The following CLDN18 variants were observed in gnomAD, a reference collection of about 807,000 sequenced individuals.
CLDN18 encodes the protein claudin-18.
A neutral mutation model predicts 25.0 loss-of-function variants in CLDN18; 20 were observed. The observed-to-expected ratio is 0.80, with a 90% confidence interval of 0.56 to 1.16. CLDN18 has a LOEUF of 1.16. CLDN18 is among the 50% of genes most tolerant of loss of function. The probability of loss-of-function intolerance (pLI) is 0.00; values close to 1 mark genes in which losing one functional copy is unlikely to be tolerated. For synonymous variants in CLDN18, 125 were observed against 135.6 expected (o/e 0.92, Z 0.54); for missense variants, 297 against 345.4 (o/e 0.86, Z 1.11).
chr3:138,031,996 A>G lies in CLDN18; in HGVS notation c.*855A>G, dbSNP rs374546679. On this transcript the variant is annotated 3_prime_UTR_variant, in exon 5 of 5. Transcript: ENST00000183605. ...GAAATGAAAAAATAATTGCTTTGAC[A>G]TTGTCTATATGGTACTTTGTAAAGT... 6.6e-6 allele frequency: 1 copy of G among 152,210 alleles called. No individual in the cohort carries two copies. The highest frequency in any genetic ancestry group is 2.1e-4 in the South Asian group (1 of 4,834). The allele number at this position is 152,210 out of a possible 1,614,324, so 9.4% of individuals were successfully genotyped here.
intron 1 of CLDN18, chr3:138,004,945 T>G (rs971578281): frequency 1.1e-4 from 16 of 152,194 alleles, no homozygotes; most frequent in African/African-American, 3.6e-4. Context: ...ATACTTTATG[T>G]ACCAGGCACC....
At chr3:138,008,211 T>C (rs1942089308), upstream of CLDN18, among the ~76,000 whole-genome samples, 1 of 107,528 alleles carries the variant, frequency 9.3e-6, no homozygotes, top group African/African-American at 3.6e-5. Context: ...GATTGGAGTA[T>C]GTATGTGGGG....
In CLDN18 at chr3:138,010,331, TACG is replaced by T. The variant is rs761088746; in HGVS notation, c.109_111del (p.Asp37del). 1 of 1,614,194 alleles carries T rather than the reference TACG, an allele frequency of 6.2e-7. No individual in the cohort carries two copies. The highest frequency in any genetic ancestry group is 8.5e-7 in the Non-Finnish European group (1 of 1,180,032). On this transcript the variant is annotated inframe_deletion, in exon 1 of 5. Coordinates refer to ENST00000183605, the MANE Select transcript of CLDN18 (RefSeq NM_016369.4). ...GGACATGTGGAGCACCCAGGACCTG[TACG>T]ACAACCCCGTCACCTCCGTGTTCCA...
Position 138,031,083 on chromosome 3 carries a change from G to C in CLDN18, c.728G>C (p.Gly243Ala). The change falls in exon 5 of 5, where the codon GGA becomes GCA. Residue 243 changes from glycine to alanine, a missense_variant. By Grantham distance (60) the Gly-to-Ala change is moderately conservative. Coordinates refer to ENST00000183605, the MANE Select transcript of CLDN18 (RefSeq NM_016369.4). ...ACCAAAAACAAGAAGATATACGATG[G>C]AGGTGCCCGCACAGAGGACGAGGTA... is the stretch of plus-strand genomic sequence containing the variant. ...SNTKNKKIYD[G>A]GARTEDEVQS... 1.2e-6 allele frequency: 2 copies of C among 1,614,116 alleles called. No homozygotes were observed. Among genetic ancestry groups the C allele is most frequent in the African/African-American group, 1.3e-5 (1 of 75,060 alleles).
chr3:138,023,821 A>G lies in CLDN18; in HGVS notation c.384A>G (p.Ser128=), dbSNP rs753733515. 1 of 1,607,248 alleles carries G rather than the reference A, an allele frequency of 6.2e-7. No homozygotes were observed. Among genetic ancestry groups the G allele is most frequent in the East Asian group, 2.2e-5 (1 of 44,684 alleles). The change falls in exon 2 of 5, where the codon TCA becomes TCG. Residue 128 remains serine, a splice_region_variant and synonymous_variant. Transcript: ENST00000183605. ...TLTSGIMFIV[S]GLCAIAGVSV... is the part of the protein sequence containing the mutation. ...CCTCCGGGATCATGTTCATTGTCTC[A>G]GGTAAACACAGAGCCTGGAGTTCCC...
intron 1 of CLDN18, among the ~76,000 whole-genome samples, chr3:138,019,674 C>A (rs561960613): frequency 5.3e-5 from 8 of 152,308 alleles, no homozygotes; most frequent in African/African-American, 1.9e-4. Context: ...AAATGAAAAT[C>A]TCTGGGGATG....
At chr3:138,013,259 CAG>C (rs1195403181) in intron 1 of CLDN18, among the ~76,000 whole-genome samples, 1 of 152,194 alleles carries the variant, frequency 6.6e-6, no homozygotes, top group African/African-American at 2.4e-5. Flanking sequence ...CTGCCTGGAA[CAG>C]ATTCATTTGT....
In CLDN18 at chr3:138,033,038, G is replaced by C. The variant is rs1407543629; in HGVS notation, c.*1897G>C. On this transcript the variant is annotated 3_prime_UTR_variant, in exon 5 of 5. Transcript: ENST00000183605. ...TGGCCATTAGGTTATTATTTGAGAG[G>C]AAAGTCCTCACATCAATAGTACATA... The C allele has an allele frequency of 2.0e-5, 3 of 152,172 alleles. No homozygotes were observed. Among genetic ancestry groups the C allele is most frequent in the Non-Finnish European group, 4.4e-5 (3 of 68,036 alleles). 9.4% of individuals were successfully genotyped at this position (152,172 alleles called of 1,614,324 possible).
At chr3:138,009,075 C>G (rs1942100064), upstream of CLDN18, among the ~76,000 whole-genome samples, 1 of 152,194 alleles carries the variant, frequency 6.6e-6, no homozygotes, top group African/African-American at 2.4e-5. Context: ...TATACAATTC[C>G]TAATATTTTG....
chr3:138,002,889 C>T (rs1942033202), intron 1 of CLDN18, among the ~76,000 whole-genome samples: 1 of 152,180 alleles, frequency 6.6e-6, no homozygotes, highest in African/African-American at 2.4e-5. Context: ...TCCTTTCACA[C>T]ACATGGAAAT....
In CLDN18 at chr3:138,031,392, T is replaced by A; in HGVS notation, c.*251T>A. On this transcript the variant is annotated 3_prime_UTR_variant, in exon 5 of 5. Coordinates refer to ENST00000183605, the MANE Select transcript of CLDN18 (RefSeq NM_016369.4). ...ATTTTCAATCCTCTATTTCTTTTTT[T>A]AAATATAACTTTCTACTCTGATGAG... 3.1e-6 allele frequency: 1 copy of A among 322,552 alleles called. No homozygotes were observed. The highest frequency in any genetic ancestry group is 5.6e-6 in the Non-Finnish European group (1 of 179,116). The allele number at this position is 322,552 out of a possible 1,614,324, so 20.0% of individuals were successfully genotyped here.
chr3:138,009,250 AG>A (rs936961791), upstream of CLDN18, among the ~76,000 whole-genome samples: 4 of 152,190 alleles, frequency 2.6e-5, no homozygotes, highest in African/African-American at 9.7e-5. Flanking sequence ...ACGACAAGTT[AG>A]GGGCAGCATC....
At chr3:138,013,261 G>T (rs149563469) in intron 1 of CLDN18, among the ~76,000 whole-genome samples, 11 of 152,320 alleles carry the variant, frequency 7.2e-5, no homozygotes, top group African/African-American at 2.4e-4. Flanking sequence ...GCCTGGAACA[G>T]ATTCATTTGT....
intron 3 of CLDN18, 150 bp downstream of exon 3, chr3:138,024,874 T>C (rs1942307177): frequency 3.5e-6 from 2 of 576,168 alleles, no homozygotes; most frequent in African/African-American, 1.9e-5. Context: ...AACAATCACC[T>C]GTAAATTCAT....
intron 2 of CLDN18, among the ~76,000 whole-genome samples, chr3:138,024,388 T>G (rs990239242): frequency 6.6e-6 from 1 of 152,146 alleles, no homozygotes; most frequent in Non-Finnish European, 1.5e-5. Context: ...AAAATTTCTT[T>G]CTGTACACAC....
At chr3:138,011,425 T>C (rs939135476) in intron 1 of CLDN18, among the ~76,000 whole-genome samples, 2 of 152,170 alleles carry the variant, frequency 1.3e-5, no homozygotes, top group Non-Finnish European at 2.9e-5. Context: ...CAGAAAGAAA[T>C]AGAAGATGGG....
chr3:138,023,600 A>G (rs1351840779), intron 1 of CLDN18, 58 bp from the exon 2 acceptor site: 3 of 1,559,304 alleles, frequency 1.9e-6, no homozygotes, highest in Non-Finnish European at 2.6e-6. Context: ...CCACAGCCTA[A>G]TCAAGTGTGC....
At position 138,032,683 on chromosome 3, in the gene CLDN18, ATTC is replaced by A. The variant is rs1559809654; in HGVS notation, c.*1547_*1549del. 6.6e-6 allele frequency: 1 copy of A among 152,104 alleles called. No individual in the cohort carries two copies. 9.4% of individuals were successfully genotyped at this position (152,104 alleles called of 1,614,324 possible). ...GGCCTCAAACTCCTGCACTCAAGCA[ATTC>A]TTCTACCCTGGCCTCCCAAGTAGCT... On this transcript the variant is annotated 3_prime_UTR_variant, in exon 5 of 5. Transcript: ENST00000183605.
intron 1 of CLDN18, among the ~76,000 whole-genome samples, chr3:137,999,478 G>A (rs1406248473): frequency 4.6e-5 from 7 of 152,164 alleles, no homozygotes; most frequent in Non-Finnish European, 2.9e-5. Flanking sequence ...CCTATCTCCT[G>A]AACAGATTCC....
Sources: gnomAD v4.1 joint callset for allele counts (sites outside exome capture counted in the v4.1 genomes callset) on GRCh38, gnomAD v4.1.1 for gene constraint, MANE v1.5 for transcripts, NCBI Gene and HGNC (gene_info 2026-07-23, HGNC 2026-07-21) for gene names.